Variants in SCTR observed in about 807,000 individuals in gnomAD.
SCTR encodes secretin receptor.
Under a neutral mutation model 60.8 loss-of-function variants are expected in SCTR, and 56 were observed. The ratio of observed to expected loss-of-function variants is 0.92; its 90% CI spans 0.74 to 1.15. The LOEUF (loss-of-function observed/expected upper bound fraction) is 1.15, where lower values mean the gene tolerates loss of function less well. SCTR is among the 50% of genes most tolerant of loss of function. SCTR has a pLI of 0.00. For missense variants in SCTR, 562 were observed against 550.4 expected (o/e 1.02, Z -0.21); for synonymous variants, 202 against 217.0 (o/e 0.93, Z 0.61).
intron 1 of SCTR, among the ~76,000 whole-genome samples, chr2:119,501,044 T>A (rs1375534444): frequency 6.6e-6 from 1 of 151,956 alleles, no homozygotes. Flanking sequence ...AACAAAAGGT[T>A]GAAAAAGAAA....
chr2:119,460,828 G>A lies in SCTR; in HGVS notation c.790+1019C>T, dbSNP rs149618413. On this transcript the variant is annotated intron_variant, in intron 7 of 12. Transcript: ENST00000019103. ...CGAATTTCCTTTAGGAAGTCATGTG[G>A]TTTGAGTAGCTAAGGCCAATCAACA... Among the ~76,000 whole-genome samples, 250 of 152,276 alleles carry A rather than the reference G, an allele frequency of 1.6e-3. 2 individuals are homozygous for A. The highest frequency in any genetic ancestry group is 5.9e-3 in the African/African-American group (247 of 41,538).
chr2:119,507,057 C>T (rs1678763054), intron 1 of SCTR, among the ~76,000 whole-genome samples: 1 of 152,110 alleles, frequency 6.6e-6, no homozygotes, highest in South Asian at 2.1e-4. Flanking sequence ...CTTACAACTG[C>T]ATGTTAATTT....
At chr2:119,478,703 A>G in intron 3 of SCTR, 108 bp downstream of exon 3, 1 of 916,400 alleles carries the variant, frequency 1.1e-6, no homozygotes, top group Non-Finnish European at 1.7e-6. Context: ...CATTGTACCC[A>G]TACTTGTCCT....
In SCTR at chr2:119,466,003, C is replaced by G. The variant is rs1573835668; in HGVS notation, c.406-117G>C. On this transcript the variant is annotated intron_variant, in intron 4 of 12. Transcript: ENST00000019103. ...CACCGACGCTGCTATTCTGTCCATA[C>G]CTCAAGGACGCCAATTCACAGACAC... is the stretch of plus-strand genomic sequence containing the variant. 4.4e-6 allele frequency: 3 copies of G among 675,166 alleles called. No homozygotes were observed. In the South Asian group the frequency reaches 5.1e-5, roughly 11 times the overall value. 41.8% of individuals were successfully genotyped at this position (675,166 alleles called of 1,614,324 possible). A position where few individuals can be genotyped will look rare whatever the true frequency, so the allele number is the denominator to read the frequency against.
intron 1 of SCTR, among the ~76,000 whole-genome samples, chr2:119,495,166 C>T (rs532975698): frequency 2.0e-5 from 3 of 152,058 alleles, no homozygotes; most frequent in Non-Finnish European, 2.9e-5. Context: ...TATACACACA[C>T]ATAAAAGAGA....
At chr2:119,493,081 T>C (rs1042013340) in intron 2 of SCTR, among the ~76,000 whole-genome samples, 9 of 152,106 alleles carry the variant, frequency 5.9e-5, no homozygotes, top group Non-Finnish European at 1.2e-4. Context: ...GGTCTTGAAC[T>C]CCCGACCTCA....
At chr2:119,520,696 A>G (rs1679261335) in intron 1 of SCTR, among the ~76,000 whole-genome samples, 1 of 152,162 alleles carries the variant, frequency 6.6e-6, no homozygotes, top group African/African-American at 2.4e-5. Flanking sequence ...GGAGGGAAAA[A>G]GATGGGAAGG....
At position 119,494,465 on chromosome 2, in the gene SCTR, C is replaced by A. The variant is rs1184334456; in HGVS notation, c.156G>T (p.Glu52Asp). 1 of 1,614,092 alleles carries A rather than the reference C, an allele frequency of 6.2e-7. No individual in the cohort carries two copies. ...GCTCCGTGCCCAGGTCTCCTGTCTG[C>A]TCTCTGGAGAGTTCCTGCAGGCACT... ...QDQCLQELSR[E>D]QTGDLGTEQP... Residue 52 changes from glutamate to aspartate, a missense_variant, in exon 2 of 13, where the codon GAG becomes GAT. Physicochemically the swap from Glu to Asp is conservative, Grantham distance 45. Transcript: ENST00000019103.
chr2:119,507,485 TA>T (rs1678778333), intron 1 of SCTR, among the ~76,000 whole-genome samples: 1 of 152,008 alleles, frequency 6.6e-6, no homozygotes, highest in Admixed American at 6.6e-5. Context: ...GTCAGGGGAA[TA>T]GGGGAAGAAC....
At chr2:119,523,237 C>T (rs1012447083) in intron 1 of SCTR, among the ~76,000 whole-genome samples, 7 of 151,692 alleles carry the variant, frequency 4.6e-5, no homozygotes, top group African/African-American at 1.7e-4. Flanking sequence ...ATTCTGGAAT[C>T]TGGCCCCCAC....
intron 7 of SCTR, among the ~76,000 whole-genome samples, chr2:119,454,272 A>T (rs1683287294): frequency 6.6e-6 from 1 of 152,178 alleles, no homozygotes; most frequent in African/African-American, 2.4e-5. Context: ...GATGGTTTGA[A>T]GTCTGGATAA....
chr2:119,455,499 C>CT (rs1683338316), intron 7 of SCTR, among the ~76,000 whole-genome samples: 1 of 152,216 alleles, frequency 6.6e-6, no homozygotes, highest in East Asian at 1.9e-4. Context: ...CAAAACAACT[C>CT]TAAGGAACGC....
intron 1 of SCTR, among the ~76,000 whole-genome samples, chr2:119,497,434 T>C (rs1294340719): frequency 2.6e-5 from 4 of 151,842 alleles, no homozygotes; most frequent in African/African-American, 9.7e-5. Context: ...TCTTTCATCA[T>C]ATCAAGAACC....
intron 9 of SCTR, among the ~76,000 whole-genome samples, chr2:119,450,060 A>AAAAG (rs1302555083): frequency 2.9e-5 from 4 of 136,286 alleles, no homozygotes; most frequent in African/African-American, 8.1e-5. Context: ...AAAAGAAAGA[A>AAAAG]AAAGAAAGAA....
At chr2:119,514,962 A>G (rs983572390) in intron 1 of SCTR, among the ~76,000 whole-genome samples, 2 of 152,206 alleles carry the variant, frequency 1.3e-5, no homozygotes, top group Admixed American at 1.3e-4. Flanking sequence ...TAACAACCAG[A>G]GACTGGAAAG....
chr2:119,446,447 G>A lies in SCTR; in HGVS notation c.1140+312C>T, dbSNP rs529831271. Among the ~76,000 whole-genome samples the A allele has an allele frequency of 3.9e-5, 6 of 152,246 alleles. No homozygotes were observed. In the South Asian group the frequency reaches 6.2e-4, roughly 16 times the overall value. ...CCAGTGTTTGATGACTTGGCCATCC[G>A]CGCTTACGTTATTTTGACCATGTAT... On this transcript the variant is annotated intron_variant, in intron 11 of 12. Coordinates refer to ENST00000019103, the MANE Select transcript of SCTR (RefSeq NM_002980.3).
intron 1 of SCTR, among the ~76,000 whole-genome samples, chr2:119,509,315 C>G (rs1338459890): frequency 6.6e-6 from 1 of 152,212 alleles, no homozygotes; most frequent in African/African-American, 2.4e-5. Flanking sequence ...CTTATTGCTG[C>G]ATGCCACTGA....
intron 1 of SCTR, among the ~76,000 whole-genome samples, chr2:119,500,694 G>A (rs188753834): frequency 2.4e-3 from 364 of 152,314 alleles, no homozygotes; most frequent in African/African-American, 8.5e-3. Context: ...TGAAGATAGA[G>A]ACTAGATGGG....
At chr2:119,492,777 T>G (rs116148089) in intron 2 of SCTR, among the ~76,000 whole-genome samples, 3,602 of 152,266 alleles carry the variant, frequency 0.024, 132 homozygotes, top group African/African-American at 0.078. Flanking sequence ...TTGGCTCATC[T>G]GCACATTTTA....
Sources: gnomAD v4.1 joint callset for allele counts (sites outside exome capture counted in the v4.1 genomes callset) on GRCh38, gnomAD v4.1.1 for gene constraint, MANE v1.5 for transcripts, NCBI Gene and HGNC (gene_info 2026-07-23, HGNC 2026-07-21) for gene names.